The following NR5A2 variants were observed in gnomAD, a reference collection of about 807,000 sequenced individuals.
NR5A2 encodes nuclear receptor subfamily 5 group A member 2.
NR5A2 carries 26 observed loss-of-function variants against 62.7 expected under a neutral mutation model. The observed-to-expected ratio is 0.41, with a 90% confidence interval of 0.30 to 0.58. The LOEUF is 0.58. Among genes scored for constraint, NR5A2 ranks in the 20% least tolerant of loss-of-function variants. NR5A2 has a pLI of 0.22. For missense variants in NR5A2, 541 were observed against 669.1 expected, an observed-to-expected ratio of 0.81 and a Z score of 2.11; for synonymous variants, 246 against 241.7, an observed-to-expected ratio of 1.02 and a Z score of -0.16.
chr1:200,028,425 C>CAAAAAAAAAAAAAAAAA (rs67706127), intron 1 of NR5A2, among the ~76,000 whole-genome samples: 1 of 83,636 alleles, frequency 1.2e-5, no homozygotes, highest in African/African-American at 3.5e-5. Flanking sequence ...CCCCCACCTC[C>CAAAAAAAAAAAAAAAAA]AAAAAAAAAA....
intron 7 of NR5A2, among the ~76,000 whole-genome samples, chr1:200,172,059 T>C (rs1271927871): frequency 1.3e-5 from 2 of 152,220 alleles, no homozygotes; most frequent in Non-Finnish European, 1.5e-5. Flanking sequence ...TCTATTAATC[T>C]CTGACTGTTA....
chr1:200,034,783 CTTTTTTTTTTTTT>C (rs767393832), intron 1 of NR5A2, among the ~76,000 whole-genome samples: 13,062 of 71,658 alleles, frequency 0.18, 1,108 homozygotes, highest in African/African-American at 0.32. Flanking sequence ...AGCAGAAAGG[CTTTTTTTTTTTTT>C]TTTTTTTTTT....
intron 6 of NR5A2, among the ~76,000 whole-genome samples, chr1:200,117,721 CT>C (rs59745790): frequency 1.1e-4 from 16 of 148,034 alleles, no homozygotes; most frequent in Admixed American, 6.7e-5. Flanking sequence ...TTTTTCTTTT[CT>C]TTTTTTTTTG....
chr1:200,087,146 T>TCTTGTTG lies in NR5A2; in HGVS notation c.1111-24054_1111-24053insTGTTGCT, dbSNP rs1486307837. 3.0e-5 allele frequency among the ~76,000 whole-genome samples: 4 copies of TCTTGTTG among 132,540 alleles called. No individual in the cohort carries two copies. The East Asian group carries it at 9.7e-4, about 32-fold the overall frequency. 87.0% of individuals were successfully genotyped at this position (132,540 alleles called of 152,430 possible). A position where few individuals can be genotyped will look rare whatever the true frequency, so the allele number is the denominator to read the frequency against. On this transcript the variant is annotated intron_variant, in intron 5 of 7. Coordinates refer to ENST00000367362, the MANE Select transcript of NR5A2 (RefSeq NM_205860.3). ...TTCTGCCTTTCAGCTTTGACCTTTA[T>TCTTGTTG]CTGCCTTGTTGCAGCCCATGCATAC...
intron 5 of NR5A2, among the ~76,000 whole-genome samples, chr1:200,055,569 G>A (rs1436361272): frequency 6.6e-6 from 1 of 152,120 alleles, no homozygotes; most frequent in African/African-American, 2.4e-5. Context: ...CTTGCCATAT[G>A]GCTGTTCTTT....
chr1:200,069,008 T>C (rs971865280), intron 5 of NR5A2, among the ~76,000 whole-genome samples: 1 of 152,194 alleles, frequency 6.6e-6, no homozygotes. Context: ...GCCTGGAGAC[T>C]AAAGAAGTAA....
chr1:200,031,659 G>A (rs939957798), intron 1 of NR5A2, among the ~76,000 whole-genome samples: 3 of 140,696 alleles, frequency 2.1e-5, no homozygotes, highest in African/African-American at 8.1e-5. Flanking sequence ...GCTCACTGCA[G>A]CCTCAGCCTT....
At chr1:200,103,932 T>A (rs1345931247) in intron 5 of NR5A2, among the ~76,000 whole-genome samples, 1 of 152,136 alleles carries the variant, frequency 6.6e-6, no homozygotes, top group Non-Finnish European at 1.5e-5. Context: ...ATGGTGTAGG[T>A]CCAGATTCTG....
At chr1:200,127,694 AAAAAAAAAAAAAAAAATATAT>A (rs1284779387) in intron 7 of NR5A2, among the ~76,000 whole-genome samples, 3 of 99,982 alleles carry the variant, frequency 3.0e-5, no homozygotes, top group East Asian at 6.7e-4. Flanking sequence ...AAAAAAAAAA[AAAAAAAAAAAAAAAAATATAT>A]ATATATATAT....
chr1:200,173,601 G>A (rs1210629372), intron 7 of NR5A2, among the ~76,000 whole-genome samples: 1 of 152,296 alleles, frequency 6.6e-6, no homozygotes, highest in African/African-American at 2.4e-5. Context: ...GTAATATACT[G>A]GGTTAAGATA....
intron 6 of NR5A2, among the ~76,000 whole-genome samples, 170 bp from the exon 7 acceptor site, chr1:200,120,638 A>G (rs1448023714): frequency 6.6e-6 from 1 of 152,176 alleles, no homozygotes; most frequent in East Asian, 1.9e-4. Context: ...CCAGAGGATC[A>G]CTTCAGCTCA....
intron 5 of NR5A2, among the ~76,000 whole-genome samples, chr1:200,056,152 A>G (rs1418545799): frequency 1.3e-5 from 2 of 152,162 alleles, no homozygotes; most frequent in African/African-American, 4.8e-5. Flanking sequence ...GCATGTGTCT[A>G]TTGTAGACTC....
Position 200,120,811 on chromosome 1 carries a change from G to C in NR5A2, c.1234G>C (p.Asp412His), listed in dbSNP as rs781767605. 1 of 1,545,964 alleles carries C rather than the reference G, an allele frequency of 6.5e-7. No homozygotes were observed. Residue 412 changes from aspartate to histidine, a missense_variant, in exon 7 of 8, where the codon GAC becomes CAC. By Grantham distance (81) the Asp-to-His change is moderately conservative. Transcript: ENST00000367362. Reference sequence around the variant, plus strand: ...AAACTGTGATTCTGTATTGCAGGTGGACTATTCCATAATAGCATCACAAGC... The same window carrying C: ...AAACTGTGATTCTGTATTGCAGGTGCACTATTCCATAATAGCATCACAAGC... ...SIFLVTGQQV[D>H]YSIIASQAGA...
chr1:200,059,823 A>G (rs1205299303), intron 5 of NR5A2, among the ~76,000 whole-genome samples: 1 of 152,196 alleles, frequency 6.6e-6, no homozygotes, highest in Non-Finnish European at 1.5e-5. Flanking sequence ...CAAATCTTTG[A>G]GAGTTCAACA....
intron 5 of NR5A2, among the ~76,000 whole-genome samples, chr1:200,090,578 C>T (rs1469282786): frequency 6.6e-6 from 1 of 152,218 alleles, no homozygotes; most frequent in South Asian, 2.1e-4. Context: ...ATTATCACTC[C>T]TATGGGTGTC....
At chr1:200,149,271 C>T (rs2102360789) in intron 7 of NR5A2, among the ~76,000 whole-genome samples, 1 of 152,260 alleles carries the variant, frequency 6.6e-6, no homozygotes, top group South Asian at 2.1e-4. Context: ...TTTACTGGCA[C>T]ACATATTCAA....
chr1:200,079,535 G>A (rs1005697734), intron 5 of NR5A2, among the ~76,000 whole-genome samples: 21 of 152,202 alleles, frequency 1.4e-4, no homozygotes, highest in Non-Finnish European at 2.2e-4. Context: ...TATGGGCCTG[G>A]GGCCTAAAAC....
Position 200,143,594 on chromosome 1 carries a change from C to T in NR5A2, c.1378+22639C>T, listed in dbSNP as rs576665398. On this transcript the variant is annotated intron_variant, in intron 7 of 7. Coordinates refer to ENST00000367362, the MANE Select transcript of NR5A2 (RefSeq NM_205860.3). ...TTTAGGCCCCAACACCCTTCAGAAGCTGGACTCCAGCTACTGTTCACTGGA... is the reference window on the plus strand; with the variant it reads ...TTTAGGCCCCAACACCCTTCAGAAGTTGGACTCCAGCTACTGTTCACTGGA... 2.7e-3 allele frequency among the ~76,000 whole-genome samples: 416 copies of T among 151,428 alleles called. 2 individuals carry two copies. The highest frequency in any genetic ancestry group is 4.6e-3 in the Non-Finnish European group (309 of 67,860).
chr1:200,055,283 C>T (rs950700055), intron 5 of NR5A2, among the ~76,000 whole-genome samples: 1 of 151,960 alleles, frequency 6.6e-6, no homozygotes, highest in Non-Finnish European at 1.5e-5. Flanking sequence ...GCAACCTCCA[C>T]CTCCCAGGTT....
Sources: allele counts gnomAD v4.1 joint callset (sites outside exome capture counted in the v4.1 genomes callset), GRCh38; gene constraint gnomAD v4.1.1; transcripts MANE v1.5; gene names NCBI Gene and HGNC (gene_info 2026-07-23, HGNC 2026-07-21).